The following EZH2 variants were observed in gnomAD, a reference collection of about 807,000 sequenced individuals.
The protein encoded by EZH2 is histone-lysine N-methyltransferase EZH2.
EZH2 carries 18 observed loss-of-function variants against 98.4 expected under a neutral mutation model. That is an observed-to-expected ratio of 0.18 (90% CI 0.13 to 0.27). The LOEUF (loss-of-function observed/expected upper bound fraction) is 0.27. Among genes scored for constraint, EZH2 ranks in the 10% least tolerant of loss-of-function variants. EZH2 has a pLI of 1.00. For missense variants in EZH2, 470 were observed against 935.1 expected, an observed-to-expected ratio of 0.50 and a Z score of 6.49; for synonymous variants, 338 against 312.3, an observed-to-expected ratio of 1.08 and a Z score of -0.87.
chr7:148,829,375 AG>A (rs1296320664), intron 5 of EZH2, among the ~76,000 whole-genome samples: 1 of 152,152 alleles, frequency 6.6e-6, no homozygotes, highest in Non-Finnish European at 1.5e-5. Context: ...GGGCTGTTGG[AG>A]CCCCTATATG....
chr7:148,850,846 G>C (rs1815566056), intron 1 of EZH2, among the ~76,000 whole-genome samples: 1 of 152,114 alleles, frequency 6.6e-6, no homozygotes, highest in Admixed American at 6.6e-5. Context: ...ACATACCCAT[G>C]AAGTTTAATT....
intron 1 of EZH2, 52 bp from the exon 2 acceptor site, chr7:148,847,357 G>A: frequency 6.2e-7 from 1 of 1,600,252 alleles, no homozygotes; most frequent in South Asian, 1.1e-5. Flanking sequence ...GCCTGAATAT[G>A]ATCACCTGTG....
intron 3 of EZH2, among the ~76,000 whole-genome samples, chr7:148,833,770 A>G (rs1471167086): frequency 6.6e-6 from 1 of 152,194 alleles, no homozygotes; most frequent in Non-Finnish European, 1.5e-5. Context: ...TACTACTCTT[A>G]GCCCCCATTT....
intron 3 of EZH2, among the ~76,000 whole-genome samples, chr7:148,844,074 G>A (rs1430896878): frequency 6.6e-6 from 1 of 152,130 alleles, no homozygotes; most frequent in Non-Finnish European, 1.5e-5. Context: ...TAGACTTTAC[G>A]TGTTTGAATC....
chr7:148,819,959 G>A (rs1034492515), intron 8 of EZH2, among the ~76,000 whole-genome samples: 8 of 152,148 alleles, frequency 5.3e-5, no homozygotes, highest in Non-Finnish European at 8.8e-5. Context: ...AAACTGATGC[G>A]CATAACTATG....
intron 18 of EZH2, 66 bp from the exon 19 acceptor site, chr7:148,809,221 C>A: frequency 1.9e-6 from 3 of 1,586,300 alleles, no homozygotes; most frequent in Non-Finnish European, 2.6e-6. Flanking sequence ...CTGACTTGTT[C>A]ACATAACAAA....
chr7:148,882,715 TATG>T (rs1244104014), intron 1 of EZH2, among the ~76,000 whole-genome samples: 1 of 152,246 alleles, frequency 6.6e-6, no homozygotes, highest in South Asian at 2.1e-4. Flanking sequence ...AATGCTGTTT[TATG>T]ATGACATCAA....
rs886062083 is a variant in EZH2, at chr7:148,884,211, G to GCGC, written c.-58_-56dup. On this transcript the variant is annotated 5_prime_UTR_variant, in exon 1 of 20. Coordinates refer to ENST00000320356, the MANE Select transcript of EZH2 (RefSeq NM_004456.5). ...CGTTGTTCCCGCGCGTCGCCCCCGC[G>GCGC]CGCCGCCGCCGCCGCCGCCGGGGCT... 1,345 of 170,828 alleles carry GCGC rather than the reference G, an allele frequency of 7.9e-3. 5 individuals carry two copies. Among genetic ancestry groups the GCGC allele is most frequent in the African/African-American group, 9.9e-3 (416 of 41,824 alleles). The allele number at this position is 170,828 out of a possible 1,614,324, so 10.6% of individuals were successfully genotyped here.
At position 148,847,166 on chromosome 7, in the gene EZH2, A is replaced by G. The variant is rs1318492312; in HGVS notation, c.117+16T>C. On this transcript the variant is annotated intron_variant, in intron 2 of 19. Transcript: ENST00000320356. ...CCTTAATTGTATATTCATTTTCACA[A>G]AAGATAAAATTATACCTTTACTTCA... 4 of 1,592,750 alleles carry G rather than the reference A, an allele frequency of 2.5e-6. No individual in the cohort carries two copies. The highest frequency in any genetic ancestry group is 2.2e-5 in the East Asian group (1 of 44,642).
chr7:148,822,813 G>A (rs1430925090), intron 8 of EZH2, among the ~76,000 whole-genome samples: 6 of 151,420 alleles, frequency 4.0e-5, no homozygotes, highest in Non-Finnish European at 5.9e-5. Flanking sequence ...GAGGTGGTGC[G>A]CGCCTGTAAT....
At position 148,825,715 on chromosome 7, in the gene EZH2, T is replaced by C. The variant is rs984195913; in HGVS notation, c.907+739A>G. Reference sequence around the variant, plus strand: ...AATGGGTCAAAGCCCCTAAAGAAATTACCATGCCATAGACAGACGTACTAA... The same window carrying C: ...AATGGGTCAAAGCCCCTAAAGAAATCACCATGCCATAGACAGACGTACTAA... On this transcript the variant is annotated intron_variant, in intron 8 of 19. Transcript: ENST00000320356. 7.2e-5 allele frequency among the ~76,000 whole-genome samples: 11 copies of C among 152,222 alleles called. No individual in the cohort carries two copies. The South Asian group carries it at 2.3e-3, about 32-fold the overall frequency.
chr7:148,855,897 CAAAAAAAAAAAAAA>C (rs34692092), intron 1 of EZH2, among the ~76,000 whole-genome samples: 1 of 41,018 alleles, frequency 2.4e-5, no homozygotes, highest in Non-Finnish European at 4.3e-5. Context: ...GACTCCATCT[CAAAAAAAAAAAAAA>C]AAAAAAAAAA....
chr7:148,866,305 G>C (rs1356516557), intron 1 of EZH2, among the ~76,000 whole-genome samples: 2 of 151,638 alleles, frequency 1.3e-5, no homozygotes, highest in African/African-American at 2.4e-5. Flanking sequence ...TAAGAGATGG[G>C]GCCTTTCAGA....
intron 1 of EZH2, among the ~76,000 whole-genome samples, chr7:148,867,046 G>A (rs148190310): frequency 0.013 from 2,011 of 150,514 alleles, 15 homozygotes; most frequent in Non-Finnish European, 0.022. Flanking sequence ...CCCAGTCTTG[G>A]CCAGGCGTGG....
chr7:148,816,748 T>C lies in EZH2; in HGVS notation c.1441A>G (p.Ile481Val). The change falls in exon 12 of 20, where the codon ATC becomes GTC. Residue 481 changes from isoleucine to valine, a missense_variant. Coordinates refer to ENST00000320356, the MANE Select transcript of EZH2 (RefSeq NM_004456.5). ...TCCTCAGCGGGAGCTGGAGCTATGA[T>C]GCTAGATTCTTTGACTCTAAACTCA... ...VYEFRVKESS[I>V]IAPAPAEDVD... 3 of 1,614,144 alleles carry C rather than the reference T, an allele frequency of 1.9e-6. No homozygotes were observed. The highest frequency in any genetic ancestry group is 2.5e-6 in the Non-Finnish European group (3 of 1,179,964).
intron 1 of EZH2, among the ~76,000 whole-genome samples, chr7:148,869,015 T>C (rs1818941336): frequency 1.3e-5 from 2 of 152,208 alleles, no homozygotes; most frequent in African/African-American, 4.8e-5. Flanking sequence ...TTAGATTTGA[T>C]TGTTTATAAA....
chr7:148,815,134 G>A, intron 13 of EZH2, 95 bp from the exon 14 acceptor site: 1 of 1,454,820 alleles, frequency 6.9e-7, no homozygotes. Flanking sequence ...TACTACCTGT[G>A]GAGTGTAGCT....
chr7:148,824,586 CTG>C (rs953199291), intron 8 of EZH2, among the ~76,000 whole-genome samples: 37 of 152,290 alleles, frequency 2.4e-4, no homozygotes, highest in Admixed American at 1.2e-3. Flanking sequence ...TAAGTACACT[CTG>C]TGTTTACATA....
intron 1 of EZH2, among the ~76,000 whole-genome samples, chr7:148,865,703 C>T (rs1189170649): frequency 6.6e-6 from 1 of 152,200 alleles, no homozygotes; most frequent in Admixed American, 6.5e-5. Context: ...ACTTTGCCTA[C>T]ATGCTATTTT....
Sources: allele counts gnomAD v4.1 joint callset (sites outside exome capture counted in the v4.1 genomes callset), GRCh38; gene constraint gnomAD v4.1.1; transcripts MANE v1.5; gene names NCBI Gene and HGNC (gene_info 2026-07-23, HGNC 2026-07-21).